Variants in FGF12 observed in about 807,000 individuals in gnomAD.
FGF12 encodes fibroblast growth factor 12.
FGF12 carries 14 observed loss-of-function variants against 23.6 expected under a neutral mutation model. The observed-to-expected ratio is 0.59, with a 90% CI of 0.39 to 0.93. FGF12 has a LOEUF of 0.93. Among genes scored for constraint, FGF12 ranks in the 40% least tolerant of loss-of-function variants. FGF12 has a pLI of 0.00. For synonymous variants in FGF12, 62 were observed against 77.3 expected (o/e 0.80, Z 1.04); for missense variants, 175 against 217.8 (o/e 0.80, Z 1.24).
chr3:192,715,677 T>A (rs1000946956), intron 2 of FGF12, among the ~76,000 whole-genome samples: 1 of 152,246 alleles, frequency 6.6e-6, no homozygotes, highest in East Asian at 1.9e-4. Flanking sequence ...ACACAGACAA[T>A]GTGATGGTAA....
intron 2 of FGF12, among the ~76,000 whole-genome samples, chr3:192,438,502 C>G (rs1356570810): frequency 6.6e-6 from 1 of 152,182 alleles, no homozygotes; most frequent in Non-Finnish European, 1.5e-5. Context: ...CTCCTCTTAT[C>G]CAGTCCAGAG....
chr3:192,704,941 G>C (rs1290348639), intron 2 of FGF12, among the ~76,000 whole-genome samples: 1 of 152,200 alleles, frequency 6.6e-6, no homozygotes, highest in East Asian at 1.9e-4. Context: ...TTATTGTGCA[G>C]CTTCCTCATC....
chr3:192,194,034 C>T (rs1180007135), intron 4 of FGF12, among the ~76,000 whole-genome samples: 1 of 152,184 alleles, frequency 6.6e-6, no homozygotes, highest in Non-Finnish European at 1.5e-5. Context: ...CCAACTCATA[C>T]AGCCCTGTAT....
intron 2 of FGF12, among the ~76,000 whole-genome samples, chr3:192,619,050 TAATTA>T (rs1714872804): frequency 6.6e-6 from 1 of 152,024 alleles, no homozygotes; most frequent in African/African-American, 2.4e-5. Context: ...AAATGTTTGC[TAATTA>T]AATTAGCTAA....
chr3:192,570,678 A>G (rs532065099), intron 2 of FGF12, among the ~76,000 whole-genome samples: 1 of 152,172 alleles, frequency 6.6e-6, no homozygotes, highest in African/African-American at 2.4e-5. Flanking sequence ...ATCTAGTAGT[A>G]TGCAGATCCC....
chr3:192,273,702 AG>A (rs1248210363), intron 4 of FGF12, among the ~76,000 whole-genome samples: 1 of 152,190 alleles, frequency 6.6e-6, no homozygotes, highest in African/African-American at 2.4e-5. Context: ...GGGCGTGTCA[AG>A]GCTTCGGAAA....
chr3:192,243,689 C>T (rs1039343074), intron 4 of FGF12, among the ~76,000 whole-genome samples: 1 of 151,656 alleles, frequency 6.6e-6, no homozygotes, highest in Non-Finnish European at 1.5e-5. Context: ...ATCTCAGAAA[C>T]TATAAAAAAA....
Position 192,541,912 on chromosome 3 carries a change from G to T in FGF12, c.14-181374C>A, listed in dbSNP as rs949450689. Among the ~76,000 whole-genome samples, 5 of 151,506 alleles carry T rather than the reference G, an allele frequency of 3.3e-5. No individual in the cohort carries two copies. In the East Asian group the frequency reaches 7.8e-4, roughly 24 times the overall value. ...CTACCAGATATATTGAAGCTCCATT[G>T]TACGTTATTCATTTCTTTTCTCTTG... is the stretch of plus-strand genomic sequence containing the variant. On this transcript the variant is annotated intron_variant, in intron 2 of 5. Coordinates refer to ENST00000445105, the MANE Select transcript of FGF12 (RefSeq NM_004113.6).
intron 4 of FGF12, among the ~76,000 whole-genome samples, chr3:192,313,420 A>C (rs1479521792): frequency 6.6e-6 from 1 of 152,154 alleles, no homozygotes; most frequent in Non-Finnish European, 1.5e-5. Context: ...ACAACCTTTC[A>C]CACTTCCCTG....
chr3:192,359,792 TC>T (rs141233440), intron 3 of FGF12, among the ~76,000 whole-genome samples: 3 of 150,794 alleles, frequency 2.0e-5, no homozygotes, highest in Non-Finnish European at 4.4e-5. Flanking sequence ...CATTTTTATT[TC>T]CCCCCCCAAA....
chr3:192,511,426 A>C (rs923261838), intron 2 of FGF12, among the ~76,000 whole-genome samples: 1 of 152,130 alleles, frequency 6.6e-6, no homozygotes, highest in Non-Finnish European at 1.5e-5. Flanking sequence ...TGCAATTTTA[A>C]CACCACTCTG....
chr3:192,727,538 T>A lies in FGF12; in HGVS notation c.-185A>T, dbSNP rs1719266091. The A allele has an allele frequency of 4.3e-6, 2 of 470,442 alleles. No homozygotes were observed. The highest frequency in any genetic ancestry group is 7.7e-6 in the Non-Finnish European group (2 of 260,456). 29.1% of individuals were successfully genotyped at this position (470,442 alleles called of 1,614,324 possible). ...TCCTCCGAGCGTGGTGCTGCAGGTGTAGTGACAGATCATCCCACTTTGCTC... is the reference window on the plus strand; with the variant it reads ...TCCTCCGAGCGTGGTGCTGCAGGTGAAGTGACAGATCATCCCACTTTGCTC... On this transcript the variant is annotated 5_prime_UTR_variant, in exon 1 of 6. Transcript: ENST00000445105.
chr3:192,383,394 C>G (rs1719908899), intron 2 of FGF12, among the ~76,000 whole-genome samples: 2 of 151,690 alleles, frequency 1.3e-5, no homozygotes, highest in Admixed American at 1.3e-4. Context: ...GACAGTAAAT[C>G]AGAGGGGGAA....
At position 192,496,656 on chromosome 3, in the gene FGF12, T is replaced by C. The variant is rs75357893; in HGVS notation, c.14-136118A>G. ...CCTCACTTTCTAGTTTCCTGAGCCC[T>C]TTCAAATCAGACTTTGTCACCCACT... On this transcript the variant is annotated intron_variant, in intron 2 of 5. Coordinates refer to ENST00000445105, the MANE Select transcript of FGF12 (RefSeq NM_004113.6). 1.8e-3 allele frequency among the ~76,000 whole-genome samples: 275 copies of C among 152,308 alleles called. 2 individuals are homozygous for C. Among genetic ancestry groups the C allele is most frequent in the Non-Finnish European group, 2.9e-3 (197 of 68,034 alleles).
At position 192,170,448 on chromosome 3, in the gene FGF12, G is replaced by C; in HGVS notation, c.427+10C>G. The C allele has an allele frequency of 6.2e-7, 1 of 1,611,648 alleles. No homozygotes were observed. The highest frequency in any genetic ancestry group is 1.7e-5 in the Admixed American group (1 of 59,988). On this transcript the variant is annotated intron_variant, in intron 5 of 5. Transcript: ENST00000445105. Reference sequence around the variant, plus strand: ...AAGGGTCCAACAAAGACAGTCAGTTGGTTTCATACCTTCAATAGGTTTCGG... The same window carrying C: ...AAGGGTCCAACAAAGACAGTCAGTTCGTTTCATACCTTCAATAGGTTTCGG...
At chr3:192,267,159 T>C (rs1713130470) in intron 4 of FGF12, 1 of 152,124 alleles carries the variant, frequency 6.6e-6, no homozygotes, top group South Asian at 2.1e-4. Flanking sequence ...GGAGGTTTAA[T>C]TGAGTCTTAG....
intron 2 of FGF12, among the ~76,000 whole-genome samples, chr3:192,438,442 T>C (rs187568498): frequency 6.1e-4 from 93 of 152,358 alleles, no homozygotes; most frequent in Non-Finnish European, 1.1e-3. Flanking sequence ...TGGAAACTTA[T>C]AGCCAATCTA....
chr3:192,415,716 CTCT>C (rs1156294195), intron 2 of FGF12, among the ~76,000 whole-genome samples: 6 of 130,196 alleles, frequency 4.6e-5, no homozygotes, highest in African/African-American at 1.8e-4. Flanking sequence ...TCTGATACTT[CTCT>C]TCTCTCTCTC....
chr3:192,414,717 A>G (rs967934153), intron 2 of FGF12, among the ~76,000 whole-genome samples: 8 of 152,168 alleles, frequency 5.3e-5, no homozygotes, highest in African/African-American at 1.7e-4. Flanking sequence ...TTTAACCTCA[A>G]TGTGACTACT....
Sources: allele counts gnomAD v4.1 joint callset (sites outside exome capture counted in the v4.1 genomes callset), GRCh38; gene constraint gnomAD v4.1.1; transcripts MANE v1.5; gene names NCBI Gene and HGNC (gene_info 2026-07-23, HGNC 2026-07-21).